WASHC2C: variants seen among roughly 807,000 people sequenced by gnomAD.
WASHC2C encodes Vaccinia Penetration Factor.
Under a neutral mutation model 142.2 loss-of-function variants are expected in WASHC2C, and 73 were observed. The observed-to-expected ratio is 0.51, with a 90% CI of 0.43 to 0.62. The LOEUF is 0.62. Ranked by LOEUF, WASHC2C falls within the 20% of genes least tolerant of loss-of-function variation. WASHC2C has a pLI of 0.00. For synonymous variants in WASHC2C, 337 were observed against 565.5 expected, an observed-to-expected ratio of 0.60 and a Z score of 5.73; for missense variants, 969 against 1,531.7, an observed-to-expected ratio of 0.63 and a Z score of 6.13.
At chr10:45,749,851 A>ATATATATATATATATATATATATATT (rs797033033) in intron 8 of WASHC2C, among the ~76,000 whole-genome samples, 7 of 108,122 alleles carry the variant, frequency 6.5e-5, no homozygotes, top group African/African-American at 2.8e-4. Context: ...ATATATATAT[A>ATATATATATATATATATATATATATT]TATATTTATA....
chr10:45,749,859 A>ATATT (rs1197762034), intron 8 of WASHC2C, among the ~76,000 whole-genome samples: 24 of 138,808 alleles, frequency 1.7e-4, no homozygotes, highest in South Asian at 1.1e-3. Flanking sequence ...ATATATATTT[A>ATATT]TATATATATA....
intron 16 of WASHC2C, among the ~76,000 whole-genome samples, chr10:45,758,399 T>C (rs2054595935): frequency 6.6e-6 from 1 of 152,208 alleles, no homozygotes; most frequent in Non-Finnish European, 1.5e-5. Context: ...CTCAGTGTTT[T>C]GAAAATCCAC....
intron 25 of WASHC2C, 146 bp from the exon 26 acceptor site, chr10:45,785,363 C>A (rs1335215682): frequency 4.4e-6 from 4 of 912,878 alleles, no homozygotes; most frequent in Non-Finnish European, 6.6e-6. Context: ...AATGCTATTT[C>A]TGAAATGCTA....
At position 45,792,470 on chromosome 10, in the gene WASHC2C, A is replaced by G; in HGVS notation, c.*70A>G. On this transcript the variant is annotated 3_prime_UTR_variant, in exon 31 of 31. Transcript: ENST00000623400. ...GTTAGTGATGATATTGTATATGCTCATGGTCTTAACTGGATTACAAAAAGC... is the reference window on the plus strand; with the variant it reads ...GTTAGTGATGATATTGTATATGCTCGTGGTCTTAACTGGATTACAAAAAGC... 6.4e-7 allele frequency: 1 copy of G among 1,556,546 alleles called. No individual in the cohort carries two copies. Among genetic ancestry groups the G allele is most frequent in the Non-Finnish European group, 8.8e-7 (1 of 1,141,448 alleles).
At chr10:45,765,845 A>C (rs1564779549) in intron 19 of WASHC2C, 35 bp downstream of exon 19, 2 of 1,611,348 alleles carry the variant, frequency 1.2e-6, no homozygotes, top group Admixed American at 3.3e-5. Flanking sequence ...AGAGGGGATT[A>C]TTTCATGGGA....
At chr10:45,731,721 T>C (rs2050605754) in intron 3 of WASHC2C, among the ~76,000 whole-genome samples, 1 of 152,030 alleles carries the variant, frequency 6.6e-6, no homozygotes, top group African/African-American at 2.4e-5. Context: ...ATGATAATAC[T>C]GAGAAAACAG....
chr10:45,775,801 C>T (rs2057024600), intron 21 of WASHC2C, among the ~76,000 whole-genome samples: 1 of 151,928 alleles, frequency 6.6e-6, no homozygotes, highest in Non-Finnish European at 1.5e-5. Flanking sequence ...GCCTCAGCCT[C>T]CCTAGTAGCT....
intron 3 of WASHC2C, among the ~76,000 whole-genome samples, chr10:45,731,972 AT>A (rs1331888126): frequency 6.6e-6 from 1 of 151,412 alleles, no homozygotes; most frequent in Non-Finnish European, 1.5e-5. Context: ...TTTTTTTTGC[AT>A]TTTTAGTAGA....
chr10:45,791,640 A>G (rs1409984444), intron 30 of WASHC2C, among the ~76,000 whole-genome samples: 2 of 146,108 alleles, frequency 1.4e-5, no homozygotes, highest in African/African-American at 2.5e-5. Flanking sequence ...TTTCTTTATT[A>G]CAAATAATGC....
At chr10:45,750,862 G>A (rs1554874119) in intron 10 of WASHC2C, 24 bp downstream of exon 10, 2 of 1,547,046 alleles carry the variant, frequency 1.3e-6, no homozygotes, top group East Asian at 2.5e-5. Flanking sequence ...ACGTTGATGG[G>A]GAGTAGGGGA....
At chr10:45,761,716 C>T (rs2055117229) in intron 17 of WASHC2C, among the ~76,000 whole-genome samples, 2 of 152,136 alleles carry the variant, frequency 1.3e-5, no homozygotes, top group South Asian at 4.1e-4. Flanking sequence ...AGTGTCTTTT[C>T]TTGCAGTACC....
chr10:45,771,063 A>G (rs1400238519), intron 20 of WASHC2C, among the ~76,000 whole-genome samples: 1 of 147,894 alleles, frequency 6.8e-6, no homozygotes, highest in African/African-American at 2.5e-5. Flanking sequence ...AACTAAGTGT[A>G]AGTTTCTTAA....
At position 45,788,551 on chromosome 10, in the gene WASHC2C, G is replaced by C. The variant is rs117760734; in HGVS notation, c.3088-320G>C. On this transcript the variant is annotated intron_variant, in intron 28 of 30. Coordinates refer to ENST00000623400, the MANE Select transcript of WASHC2C (RefSeq NM_001330074.2). ...GCCAAGGGAGGGGTTGTGAGACACA[G>C]AGAGCCAACATGCCTACTTTCCAGG... is the stretch of plus-strand genomic sequence containing the variant. 4.0e-3 allele frequency among the ~76,000 whole-genome samples: 565 copies of C among 139,716 alleles called. 12 individuals are homozygous for C. The East Asian group carries it at 0.052, about 13-fold the overall frequency. The allele number at this position is 139,716 out of a possible 152,430, so 91.7% of individuals were successfully genotyped here.
intron 7 of WASHC2C, among the ~76,000 whole-genome samples, chr10:45,745,920 C>G (rs2052764024): frequency 9.8e-6 from 1 of 102,518 alleles, no homozygotes; most frequent in African/African-American, 3.8e-5. Context: ...TCCCTCCCCC[C>G]TCCCCCCACC....
chr10:45,788,453 G>A (rs2058204248), intron 28 of WASHC2C, among the ~76,000 whole-genome samples: 1 of 152,122 alleles, frequency 6.6e-6, no homozygotes, highest in Admixed American at 6.5e-5. Context: ...CCCTAACAAA[G>A]GTTAGTACCA....
At chr10:45,783,697 G>A (rs1321501709) in intron 23 of WASHC2C, among the ~76,000 whole-genome samples, 2 of 152,182 alleles carry the variant, frequency 1.3e-5, no homozygotes, top group Admixed American at 1.3e-4. Context: ...CTGGCCTCTG[G>A]TAATCCACCC....
chr10:45,773,065 T>C (rs1222171421), intron 20 of WASHC2C, among the ~76,000 whole-genome samples, 191 bp from the exon 21 acceptor site: 2 of 145,206 alleles, frequency 1.4e-5, no homozygotes, highest in Non-Finnish European at 3.0e-5. Context: ...TGGTGATTTG[T>C]TGGAGTCAGA....
intron 5 of WASHC2C, among the ~76,000 whole-genome samples, chr10:45,740,606 G>T (rs1289055350): frequency 1.3e-5 from 2 of 152,162 alleles, no homozygotes; most frequent in African/African-American, 4.8e-5. Flanking sequence ...TTGAATTGGG[G>T]TTTGAAGGGT....
At chr10:45,749,836 A>AAAATATATAT (rs1227809519) in intron 8 of WASHC2C, among the ~76,000 whole-genome samples, 27 of 101,764 alleles carry the variant, frequency 2.7e-4, no homozygotes, top group South Asian at 7.0e-4. Flanking sequence ...AAAAAAAAAA[A>AAAATATATAT]ATATATATAT....
Sources: allele counts gnomAD v4.1 joint callset (sites outside exome capture counted in the v4.1 genomes callset), GRCh38; gene constraint gnomAD v4.1.1; transcripts MANE v1.5; gene names NCBI Gene and HGNC (gene_info 2026-07-23, HGNC 2026-07-21).